Variants in LINGO1 observed in about 807,000 individuals in gnomAD.
LINGO1 encodes the protein leucine-rich repeat and immunoglobulin-like domain-containing nogo receptor-interacting protein 1.
Under a neutral mutation model 37.3 loss-of-function variants are expected in LINGO1, and 11 were observed. That is an observed-to-expected ratio of 0.29 (90% CI 0.19 to 0.49). The LOEUF (loss-of-function observed/expected upper bound fraction) is 0.49, where lower values mean the gene tolerates loss of function less well. Among genes scored for constraint, LINGO1 ranks in the 20% least tolerant of loss-of-function variants. The pLI is 0.99. For missense variants in LINGO1, 585 were observed against 878.2 expected, an observed-to-expected ratio of 0.67 and a Z score of 4.22; for synonymous variants, 387 against 403.0, an observed-to-expected ratio of 0.96 and a Z score of 0.48.
At chr15:77,628,983 A>T (rs540977163) in intron 1 of LINGO1, among the ~76,000 whole-genome samples, 78 of 152,350 alleles carry the variant, frequency 5.1e-4, no homozygotes, top group Admixed American at 1.4e-3. Context: ...ACTGTGTACC[A>T]GGCAGTGTTC....
intron 3 of LINGO1, among the ~76,000 whole-genome samples, chr15:77,641,186 G>A (rs926159046): frequency 6.6e-6 from 1 of 152,226 alleles, no homozygotes; most frequent in Non-Finnish European, 1.5e-5. Flanking sequence ...CAGCTCAGCT[G>A]AGAGTGGGGT....
chr15:77,645,466 C>G (rs566060521), intron 3 of LINGO1, among the ~76,000 whole-genome samples: 2 of 152,246 alleles, frequency 1.3e-5, no homozygotes, highest in African/African-American at 4.8e-5. Flanking sequence ...AGCAGAGTCC[C>G]ATTTACTTAA....
At chr15:77,763,356 A>C (rs2076496627) in intron 1 of LINGO1, among the ~76,000 whole-genome samples, 1 of 152,050 alleles carries the variant, frequency 6.6e-6, no homozygotes, top group Non-Finnish European at 1.5e-5. Context: ...GGGGTTGGGG[A>C]TGGGGATGGC....
intron 2 of LINGO1, among the ~76,000 whole-genome samples, chr15:77,706,244 T>A (rs963358887): frequency 6.6e-6 from 1 of 152,042 alleles, no homozygotes; most frequent in African/African-American, 2.4e-5. Flanking sequence ...CTCGCCTCCC[T>A]GTGATATCCC....
chr15:77,663,287 G>A (rs2075039214), intron 3 of LINGO1, among the ~76,000 whole-genome samples: 2 of 143,764 alleles, frequency 1.4e-5, no homozygotes, highest in Admixed American at 1.4e-4. Flanking sequence ...TCAGTGGTCG[G>A]GGGTGGGGAG....
At chr15:77,671,075 TC>T (rs1391981928) in intron 3 of LINGO1, among the ~76,000 whole-genome samples, 1 of 152,032 alleles carries the variant, frequency 6.6e-6, no homozygotes, top group Non-Finnish European at 1.5e-5. Context: ...CACCTGACCC[TC>T]CCGCAGGGCC....
intron 1 of LINGO1, among the ~76,000 whole-genome samples, chr15:77,754,110 G>C (rs553120801): frequency 6.6e-6 from 1 of 151,924 alleles, no homozygotes; most frequent in African/African-American, 2.4e-5. Flanking sequence ...AGAGCAGAAA[G>C]GCAAGGGGGA....
rs568361648 is a variant in LINGO1, at chr15:77,797,833, T to C, written c.-457-1780A>G. ...GCAGAAGATGGAAAAGCCCTCAGGGTCCCTCCCAGAATCAACATTCTATCA... is the reference window on the plus strand; with the variant it reads ...GCAGAAGATGGAAAAGCCCTCAGGGCCCCTCCCAGAATCAACATTCTATCA... On this transcript the variant is annotated intron_variant, in intron 1 of 5. Transcript: ENST00000562933. Among the ~76,000 whole-genome samples, 14 of 152,270 alleles carry C rather than the reference T, an allele frequency of 9.2e-5. No homozygotes were observed. In the South Asian group the frequency reaches 2.7e-3, roughly 29 times the overall value.
intron 1 of LINGO1, among the ~76,000 whole-genome samples, chr15:77,625,809 CA>C (rs1284511422): frequency 6.6e-6 from 1 of 152,220 alleles, no homozygotes; most frequent in Non-Finnish European, 1.5e-5. Flanking sequence ...TCATCTTGGG[CA>C]AGTGGCTTTA....
At chr15:77,681,377 G>C (rs909394490) in intron 2 of LINGO1, among the ~76,000 whole-genome samples, 1 of 152,066 alleles carries the variant, frequency 6.6e-6, no homozygotes, top group Admixed American at 6.6e-5. Context: ...TGCAAGGATG[G>C]CTCCTGGCTA....
chr15:77,621,577 G>T (rs1877297), intron 1 of LINGO1, among the ~76,000 whole-genome samples: 30 of 152,154 alleles, frequency 2.0e-4, no homozygotes, highest in African/African-American at 7.0e-4. Context: ...CAGGCCAGGG[G>T]AGGGGCTGTC....
intron 3 of LINGO1, among the ~76,000 whole-genome samples, chr15:77,669,866 G>A (rs2075217230): frequency 6.6e-6 from 1 of 152,134 alleles, no homozygotes; most frequent in Non-Finnish European, 1.5e-5. Flanking sequence ...CCTAGAAATC[G>A]ACCCAGGAAA....
intron 1 of LINGO1, among the ~76,000 whole-genome samples, chr15:77,779,528 C>A (rs1232342437): frequency 6.6e-6 from 1 of 152,002 alleles, no homozygotes; most frequent in African/African-American, 2.4e-5. Context: ...GAGACAGTCA[C>A]AGATCATCAG....
chr15:77,661,536 T>C (rs11072661), intron 3 of LINGO1, among the ~76,000 whole-genome samples: 17,711 of 152,288 alleles, frequency 0.12, 1,309 homozygotes, highest in Admixed American at 0.15. Flanking sequence ...CCAGTTCATT[T>C]GAAGCCCCCA....
intron 1 of LINGO1, among the ~76,000 whole-genome samples, chr15:77,772,531 C>T (rs1265824019): frequency 6.6e-6 from 1 of 152,060 alleles, no homozygotes; most frequent in Non-Finnish European, 1.5e-5. Flanking sequence ...CAACCTGACA[C>T]CTTGGCTTCC....
At position 77,615,056 on chromosome 15, in the gene LINGO1, C is replaced by T. The variant is rs202233236; in HGVS notation, c.851G>A (p.Arg284His). 1.2e-5 allele frequency: 19 copies of T among 1,613,940 alleles called. 1 individual carries two copies. In the Admixed American group the frequency reaches 1.5e-4, roughly 13 times the overall value. ...NLTAVPYLAV[R>H]HLVYLRFLNL... Reference sequence around the variant, plus strand: ...GAGGAAGCGGAGATAGACTAGGTGGCGGACGGCCAGGTAGGGCACAGCGGT... The same window carrying T: ...GAGGAAGCGGAGATAGACTAGGTGGTGGACGGCCAGGTAGGGCACAGCGGT... The change falls in exon 2 of 2, where the codon CGC (arginine) becomes CAC (histidine). Residue 284 changes from arginine to histidine, a missense_variant. Physicochemically the swap from Arg to His is conservative, Grantham distance 29 (BLOSUM62 0). Around this residue, in one of 4 missense-constraint regions of LINGO1, gnomAD observed 484 missense variants for 735.0 expected, o/e 0.66. Transcript: ENST00000355300.
intron 1 of LINGO1, among the ~76,000 whole-genome samples, chr15:77,796,388 G>A (rs1438287990): frequency 1.3e-5 from 2 of 152,220 alleles, no homozygotes. Context: ...CCCCAGGCAG[G>A]CTGGAGTCTG....
upstream of LINGO1, among the ~76,000 whole-genome samples, chr15:77,700,044 C>T (rs1486956034): frequency 6.6e-6 from 1 of 152,182 alleles, no homozygotes; most frequent in Non-Finnish European, 1.5e-5. Context: ...CTGCTGTCAC[C>T]ACACACGTTA....
intron 3 of LINGO1, among the ~76,000 whole-genome samples, chr15:77,642,822 C>T (rs570074893): frequency 2.0e-4 from 30 of 152,228 alleles, no homozygotes; most frequent in Non-Finnish European, 4.1e-4. Flanking sequence ...TTATCAAATA[C>T]GCTTTGAGCC....
Sources: gnomAD v4.1 joint callset for allele counts (sites outside exome capture counted in the v4.1 genomes callset) on GRCh38, gnomAD v4.1.1 for gene constraint, gnomAD v4.1.1 regional missense constraint, MANE v1.5 for transcripts, NCBI Gene and HGNC (gene_info 2026-07-23, HGNC 2026-07-21) for gene names.